Variants in CATSPERB observed in about 807,000 individuals in gnomAD.
The protein encoded by CATSPERB is catsper channel auxiliary subunit beta, also known as cation channel sperm-associated auxiliary subunit beta.
CATSPERB carries 93 observed loss-of-function variants against 128.3 expected under a neutral mutation model. The ratio of observed to expected loss-of-function variants is 0.72; its 90% CI spans 0.61 to 0.86. CATSPERB has a LOEUF of 0.86. Ranked by LOEUF, CATSPERB falls within the 40% of genes least tolerant of loss-of-function variation. The pLI is 0.00. For missense variants in CATSPERB, 1,153 were observed against 1,329.5 expected (o/e 0.87, Z 2.06); for synonymous variants, 381 against 448.8 (o/e 0.85, Z 1.91).
In CATSPERB at chr14:91,674,179, A is replaced by G; in HGVS notation, c.975T>C (p.Ser325=). The G allele has an allele frequency of 6.6e-7, 1 of 1,514,290 alleles. No individual in the cohort carries two copies. The highest frequency in any genetic ancestry group is 1.7e-4 in the Middle Eastern group (1 of 5,862). 93.8% of individuals were successfully genotyped at this position (1,514,290 alleles called of 1,614,324 possible). A position where few individuals can be genotyped will look rare whatever the true frequency, so the allele number is the denominator to read the frequency against. Residue 325 remains serine, a synonymous_variant, in exon 12 of 27, where the codon AGT becomes AGC. Coordinates refer to ENST00000256343, the MANE Select transcript of CATSPERB (RefSeq NM_024764.4). ...TATAAAATATTCAATATCATACCTCACTTAGGGTTCTGTTTCTCTCAAAGG... is the reference window on the plus strand; with the variant it reads ...TATAAAATATTCAATATCATACCTCGCTTAGGGTTCTGTTTCTCTCAAAGG... ...TVTFERNRTL[S]ESSSCFYSQE...
rs188274097 is a variant in CATSPERB, at chr14:91,712,624, G to A, written c.371-4388C>T. Among the ~76,000 whole-genome samples the A allele has an allele frequency of 1.3e-3, 200 of 152,126 alleles. 2 individuals carry two copies. The highest frequency in any genetic ancestry group is 2.5e-3 in the East Asian group (13 of 5,174). On this transcript the variant is annotated intron_variant, in intron 5 of 26. Coordinates refer to ENST00000256343, the MANE Select transcript of CATSPERB (RefSeq NM_024764.4). The stretch of plus-strand genomic sequence containing the variant: ...TCATGCATTTGTTTGTATGATTATC[G>A]TATACTTAATAAATTTTTACTTTAT...
At chr14:91,639,861 T>G (rs2139805889) in intron 15 of CATSPERB, among the ~76,000 whole-genome samples, 1 of 147,256 alleles carries the variant, frequency 6.8e-6, no homozygotes, top group East Asian at 2.1e-4. Context: ...GCACACTGCA[T>G]CCCACCCAAA....
At chr14:91,693,780 C>T (rs1895512252) in intron 7 of CATSPERB, among the ~76,000 whole-genome samples, 1 of 152,072 alleles carries the variant, frequency 6.6e-6, no homozygotes, top group African/African-American at 2.4e-5. Context: ...CGTAGAAGGG[C>T]ATCAGAATAT....
In CATSPERB at chr14:91,731,964, TTTTTTATATTTTTTCTCAG is replaced by T. The variant is rs1555365752; in HGVS notation, c.-54_-36del. 6.5e-6 allele frequency: 1 copy of T among 152,766 alleles called. No homozygotes were observed. 9.5% of individuals were successfully genotyped at this position (152,766 alleles called of 1,614,324 possible). On this transcript the variant is annotated 5_prime_UTR_variant, in exon 1 of 27. An upstream open reading frame in the 5' UTR loses its in-frame stop. Coordinates refer to ENST00000256343, the MANE Select transcript of CATSPERB (RefSeq NM_024764.4). ...AGATGCGCAACTAGTTGTGTTCTTC[TTTTTTATATTTTTTCTCAG>T]TTTTCTTCCATATAGACTGAGAAGA...
intron 20 of CATSPERB, among the ~76,000 whole-genome samples, chr14:91,611,671 T>C (rs1218381879): frequency 6.6e-6 from 1 of 151,730 alleles, no homozygotes; most frequent in African/African-American, 2.4e-5. Flanking sequence ...AAAAGAAACA[T>C]GAGGACTATA....
rs192697483 is a variant in CATSPERB at position 91,702,125 on chromosome 14, A to G, written c.616+2427T>C. On this transcript the variant is annotated intron_variant, in intron 7 of 26. Coordinates refer to ENST00000256343, the MANE Select transcript of CATSPERB (RefSeq NM_024764.4). Reference sequence around the variant, plus strand: ...CTGGCGCTTCTCTCCCATGACTTTCATTTGTAAGGCAGAATCAAGCATGAG... The same window carrying G: ...CTGGCGCTTCTCTCCCATGACTTTCGTTTGTAAGGCAGAATCAAGCATGAG... Among the ~76,000 whole-genome samples the G allele has an allele frequency of 1.1e-4, 16 of 152,008 alleles. No individual in the cohort carries two copies. The East Asian group carries it at 2.9e-3, about 28-fold the overall frequency.
intron 21 of CATSPERB, among the ~76,000 whole-genome samples, chr14:91,608,827 T>C (rs1893764750): frequency 1.3e-5 from 2 of 152,142 alleles, no homozygotes; most frequent in South Asian, 4.1e-4. Context: ...AATTATTACA[T>C]TGAAATGGGT....
chr14:91,604,884 G>C, intron 22 of CATSPERB: 1 of 1,324,304 alleles, frequency 7.6e-7, no homozygotes, highest in South Asian at 1.2e-5. Flanking sequence ...TTCATTCTCT[G>C]GTTCTGGAAC....
intron 7 of CATSPERB, among the ~76,000 whole-genome samples, chr14:91,703,983 G>A (rs556451990): frequency 3.9e-5 from 6 of 152,202 alleles, no homozygotes; most frequent in South Asian, 2.1e-4. Flanking sequence ...TGGCTGGAGA[G>A]GGGGGTCTGT....
intron 7 of CATSPERB, among the ~76,000 whole-genome samples, chr14:91,694,975 A>T (rs1895535736): frequency 6.6e-6 from 1 of 152,168 alleles, no homozygotes; most frequent in South Asian, 2.1e-4. Flanking sequence ...TCATATTTTG[A>T]AGTGTGAGTT....
intron 26 of CATSPERB, among the ~76,000 whole-genome samples, chr14:91,586,122 A>G (rs1300989478): frequency 6.6e-6 from 1 of 152,142 alleles, no homozygotes; most frequent in African/African-American, 2.4e-5. Flanking sequence ...TGTTTTCTTC[A>G]GGTGTGCCCT....
intron 2 of CATSPERB, among the ~76,000 whole-genome samples, chr14:91,726,621 G>C (rs116471700): frequency 2.0e-5 from 3 of 152,148 alleles, no homozygotes; most frequent in African/African-American, 7.2e-5. Flanking sequence ...GAATTTGAAG[G>C]CATAGACAAA....
chr14:91,683,470 T>G (rs1895320559), intron 11 of CATSPERB, among the ~76,000 whole-genome samples: 1 of 152,208 alleles, frequency 6.6e-6, no homozygotes, highest in Admixed American at 6.5e-5. Context: ...AATTCTTGGT[T>G]TCCCTCCCTT....
chr14:91,607,698 A>G (rs1384039561), intron 22 of CATSPERB, among the ~76,000 whole-genome samples: 1 of 152,198 alleles, frequency 6.6e-6, no homozygotes, highest in East Asian at 1.9e-4. Context: ...GTACGTGCAC[A>G]TGTGTATGAA....
At chr14:91,693,620 C>T (rs1895509802) in intron 7 of CATSPERB, 141 bp from the exon 8 acceptor site, 4 of 627,002 alleles carry the variant, frequency 6.4e-6, no homozygotes, top group Non-Finnish European at 1.1e-5. Flanking sequence ...GATGAAGTAA[C>T]TTCAAGTTAC....
chr14:91,700,720 C>T (rs1339126480), intron 7 of CATSPERB, among the ~76,000 whole-genome samples: 1 of 152,124 alleles, frequency 6.6e-6, no homozygotes, highest in African/African-American at 2.4e-5. Context: ...TGAATTAACA[C>T]AGGCAACAGA....
intron 15 of CATSPERB, among the ~76,000 whole-genome samples, chr14:91,653,037 A>G (rs1274150508): frequency 6.6e-6 from 1 of 152,228 alleles, no homozygotes; most frequent in Non-Finnish European, 1.5e-5. Context: ...AGGAGATTGT[A>G]TAACTGTAAA....
chr14:91,673,155 G>T, intron 12 of CATSPERB, 139 bp from the exon 13 acceptor site: 4 of 732,784 alleles, frequency 5.5e-6, no homozygotes, highest in South Asian at 4.6e-5. Context: ...TTCCCTCCCT[G>T]GTCTTAAAAC....
At chr14:91,669,580 G>A (rs1566725403) in intron 14 of CATSPERB, among the ~76,000 whole-genome samples, 1 of 152,212 alleles carries the variant, frequency 6.6e-6, no homozygotes, top group Admixed American at 6.5e-5. Context: ...CAACATTCAA[G>A]CTAACTCTGA....
Sources: gnomAD v4.1 joint callset for allele counts (sites outside exome capture counted in the v4.1 genomes callset) on GRCh38, gnomAD v4.1.1 for gene constraint, MANE v1.5 for transcripts, NCBI Gene and HGNC (gene_info 2026-07-23, HGNC 2026-07-21) for gene names.